The following APP variants were observed in gnomAD, a reference collection of about 807,000 sequenced individuals.
APP encodes amyloid beta precursor protein.
A neutral mutation model predicts 101.4 loss-of-function variants in APP; 31 were observed. That is an observed-to-expected ratio of 0.31 (90% CI 0.23 to 0.41). The LOEUF is 0.41. Among genes scored for constraint, APP ranks in the 10% least tolerant of loss-of-function variants. The pLI, the probability that APP is intolerant of heterozygous loss-of-function variation, is 1.00. For missense variants in APP, 839 were observed against 1,003.7 expected, an observed-to-expected ratio of 0.84 and a Z score of 2.22; for synonymous variants, 366 against 364.4, an observed-to-expected ratio of 1.00 and a Z score of -0.05.
intron 5 of APP, among the ~76,000 whole-genome samples, chr21:26,048,863 ATACAT>A (rs1481195225): frequency 1.3e-5 from 2 of 152,224 alleles, no homozygotes; most frequent in African/African-American, 4.8e-5. Context: ...TATCTTTATC[ATACAT>A]TAACCCCATT....
At chr21:26,167,764 T>C (rs1159283146) in intron 1 of APP, among the ~76,000 whole-genome samples, 1 of 152,226 alleles carries the variant, frequency 6.6e-6, no homozygotes, top group Non-Finnish European at 1.5e-5. Flanking sequence ...TCAGGACCAG[T>C]ATTATTCCAT....
chr21:25,938,312 C>T (rs1210811971), intron 13 of APP, among the ~76,000 whole-genome samples: 2 of 151,988 alleles, frequency 1.3e-5, no homozygotes, highest in Non-Finnish European at 2.9e-5. Context: ...TTCACATGGC[C>T]AGTTTATAGA....
intron 3 of APP, chr21:26,053,552 TTAA>T (rs1171124922): frequency 2.0e-6 from 1 of 491,182 alleles, no homozygotes; most frequent in African/African-American, 1.9e-5. Flanking sequence ...AGTTTGATGG[TTAA>T]AATAATGCCT....
chr21:25,921,002 A>G (rs2039606876), intron 13 of APP, among the ~76,000 whole-genome samples: 1 of 147,158 alleles, frequency 6.8e-6, no homozygotes, highest in South Asian at 2.1e-4. Context: ...AGCAAATGTA[A>G]AAGAACAGAA....
At chr21:26,028,763 T>A (rs2044692928) in intron 5 of APP, among the ~76,000 whole-genome samples, 1 of 152,166 alleles carries the variant, frequency 6.6e-6, no homozygotes, top group African/African-American at 2.4e-5. Flanking sequence ...CCAGTACTAT[T>A]CCAGGTAGTG....
rs751367779 is a variant in APP at position 25,911,873 on chromosome 21, G to A, written c.1777C>T (p.Leu593Phe). 2 of 1,614,212 alleles carry A rather than the reference G, an allele frequency of 1.2e-6. No individual in the cohort carries two copies. Among genetic ancestry groups the A allele is most frequent in the Middle Eastern group, 1.6e-4 (1 of 6,062 alleles). ...EPRISYGNDALMPSLTETKTT... is the reference protein window; with the variant it reads ...EPRISYGNDAFMPSLTETKTT... Reference sequence around the variant, plus strand: ...TTCGTTTCGGTCAAAGATGGCATGAGAGCATCGTTTCCGTAACTGATCCTT... The same window carrying A: ...TTCGTTTCGGTCAAAGATGGCATGAAAGCATCGTTTCCGTAACTGATCCTT... Residue 593 changes from leucine (L) to phenylalanine (F), a missense_variant, in exon 14 of 18, where the codon CTC becomes TTC. Physicochemically the swap from Leu to Phe is conservative, Grantham distance 22. Transcript: ENST00000346798.
chr21:26,064,411 TAA>T (rs888495736), intron 3 of APP, among the ~76,000 whole-genome samples: 1 of 152,182 alleles, frequency 6.6e-6, no homozygotes, highest in Non-Finnish European at 1.5e-5. Flanking sequence ...TTGTAAAATA[TAA>T]AGTCTATTTT....
chr21:26,016,036 A>G (rs2044042787), intron 6 of APP, among the ~76,000 whole-genome samples: 1 of 145,012 alleles, frequency 6.9e-6, no homozygotes, highest in African/African-American at 2.5e-5. Context: ...TCATTTTTCT[A>G]TTTTTTTTTT....
intron 3 of APP, among the ~76,000 whole-genome samples, chr21:26,060,932 C>A (rs950005037): frequency 7.2e-5 from 11 of 152,108 alleles, no homozygotes; most frequent in African/African-American, 2.7e-4. Flanking sequence ...CTGCACGGGG[C>A]CTTAAACATT....
At chr21:26,140,134 C>G in intron 1 of APP, 2 of 1,494,430 alleles carry the variant, frequency 1.3e-6, no homozygotes, top group Non-Finnish European at 1.8e-6. Flanking sequence ...ACAATGCCAA[C>G]TTCACAGTAC....
rs781075094 is a variant in APP, at chr21:25,881,645, C to T, written c.*25G>A. 1.9e-6 allele frequency: 3 copies of T among 1,609,064 alleles called. No homozygotes were observed. Among genetic ancestry groups the T allele is most frequent in the South Asian group, 1.1e-5 (1 of 90,954 alleles). ...GTGAAGCAATGGTTTTGCTGTCCAA[C>T]TTCAGAGGCTGCTGTGGCGGGGGTC... On this transcript the variant is annotated 3_prime_UTR_variant, in exon 18 of 18. Coordinates refer to ENST00000346798, the MANE Select transcript of APP (RefSeq NM_000484.4).
chr21:25,930,602 A>ATATG (rs1482135590), intron 13 of APP, among the ~76,000 whole-genome samples: 1 of 151,894 alleles, frequency 6.6e-6, no homozygotes, highest in Non-Finnish European at 1.5e-5. Context: ...ATATATATAT[A>ATATG]TGTAAAATCA....
chr21:25,951,596 T>C (rs1440397783), intron 13 of APP, among the ~76,000 whole-genome samples: 1 of 152,170 alleles, frequency 6.6e-6, no homozygotes, highest in African/African-American at 2.4e-5. Context: ...TAAAATTTGA[T>C]TATATACAGA....
At chr21:25,935,496 T>C (rs1271340698) in intron 13 of APP, among the ~76,000 whole-genome samples, 1 of 152,136 alleles carries the variant, frequency 6.6e-6, no homozygotes, top group African/African-American at 2.4e-5. Flanking sequence ...TTTGTTATAC[T>C]ATCCAGCAGT....
At chr21:26,058,097 G>A (rs894231113) in intron 3 of APP, among the ~76,000 whole-genome samples, 13 of 152,154 alleles carry the variant, frequency 8.5e-5, no homozygotes, top group African/African-American at 2.7e-4. Flanking sequence ...AGGGACCAGC[G>A]TATTCCTATC....
intron 4 of APP, among the ~76,000 whole-genome samples, chr21:26,052,214 T>G (rs2045865174): frequency 6.6e-6 from 1 of 152,182 alleles, no homozygotes; most frequent in African/African-American, 2.4e-5. Flanking sequence ...CCAGCACTAT[T>G]GATGTTTTGG....
rs201246104 is a variant in APP, at chr21:26,121,898, C to CA, written c.58-9753dup. Among the ~76,000 whole-genome samples the CA allele has an allele frequency of 3.5e-3, 530 of 151,318 alleles. 2 individuals carry two copies. Among genetic ancestry groups the CA allele is most frequent in the African/African-American group, 0.012 (503 of 41,294 alleles). On this transcript the variant is annotated intron_variant, in intron 1 of 17. Coordinates refer to ENST00000346798, the MANE Select transcript of APP (RefSeq NM_000484.4). ...ACCCACTCGGAACGTAGAGCATGGGCAAAAAAAAGAACCAAGAGACCATTA... is the reference window on the plus strand; with the variant it reads ...ACCCACTCGGAACGTAGAGCATGGGCAAAAAAAAAGAACCAAGAGACCATTA...
intron 1 of APP, among the ~76,000 whole-genome samples, chr21:26,119,979 T>C (rs1033720561): frequency 6.6e-6 from 1 of 152,246 alleles, no homozygotes; most frequent in Non-Finnish European, 1.5e-5. Flanking sequence ...AATCAAAATC[T>C]ATTATTCCTC....
intron 8 of APP, among the ~76,000 whole-genome samples, chr21:25,987,050 A>T (rs2042666981): frequency 6.6e-6 from 1 of 152,210 alleles, no homozygotes; most frequent in Non-Finnish European, 1.5e-5. Context: ...GGGCACTGTA[A>T]AGGGTTTTTG....
Sources: allele counts gnomAD v4.1 joint callset (sites outside exome capture counted in the v4.1 genomes callset), GRCh38; gene constraint gnomAD v4.1.1; transcripts MANE v1.5; gene names NCBI Gene and HGNC (gene_info 2026-07-23, HGNC 2026-07-21).